MINDY4: variants seen among roughly 807,000 people sequenced by gnomAD.
MINDY4 encodes the protein probable ubiquitin carboxyl-terminal hydrolase MINDY-4.
Under a neutral mutation model 87.0 loss-of-function variants are expected in MINDY4, and 68 were observed. The ratio of observed to expected loss-of-function variants is 0.78; its 90% CI spans 0.64 to 0.96. MINDY4 has a LOEUF of 0.96. Among genes scored for constraint, MINDY4 ranks in the 40% least tolerant of loss-of-function variants. The probability of loss-of-function intolerance (pLI) is 0.00; values close to 1 mark genes in which losing one functional copy is unlikely to be tolerated. For synonymous variants in MINDY4, 379 were observed against 363.2 expected, an observed-to-expected ratio of 1.04 and a Z score of -0.50; for missense variants, 919 against 928.2, an observed-to-expected ratio of 0.99 and a Z score of 0.13.
intron 1 of MINDY4, among the ~76,000 whole-genome samples, chr7:30,776,083 T>C (rs1406325814): frequency 1.3e-5 from 2 of 152,236 alleles, no homozygotes; most frequent in African/African-American, 4.8e-5. Context: ...ATGTGATTTG[T>C]GAATTGTTCA....
In MINDY4 at chr7:30,859,263, G is replaced by A. The variant is rs993168234; in HGVS notation, c.1684G>A (p.Val562Met). ...FLQQSIHQFE[V>M]GPYGCILLTL... Reference sequence around the variant, plus strand: ...TTTTCTCTCCCCCTCCCAGTTTGAAGTGGGCCCCTATGGCTGCATCCTGCT... The same window carrying A: ...TTTTCTCTCCCCCTCCCAGTTTGAAATGGGCCCCTATGGCTGCATCCTGCT... The change falls in exon 13 of 18, where the codon GTG becomes ATG. Residue 562 changes from valine to methionine, a missense_variant. Physicochemically the swap from Val to Met is conservative, Grantham distance 21. Coordinates refer to ENST00000265299, the MANE Select transcript of MINDY4 (RefSeq NM_032222.3). 4 of 1,614,044 alleles carry A rather than the reference G, an allele frequency of 2.5e-6. No individual in the cohort carries two copies. The highest frequency in any genetic ancestry group is 2.7e-5 in the African/African-American group (2 of 74,912).
intron 13 of MINDY4, 64 bp downstream of exon 13, chr7:30,859,388 G>A (rs149246791): frequency 9.6e-6 from 14 of 1,465,676 alleles, no homozygotes; most frequent in Middle Eastern, 2.1e-4. Flanking sequence ...CTGCTGCCTC[G>A]CTAGAGCCCA....
In MINDY4 at chr7:30,802,182, C is replaced by G. The variant is rs141241436; in HGVS notation, c.1073+10608C>G. Among the ~76,000 whole-genome samples, 238 of 151,996 alleles carry G rather than the reference C, an allele frequency of 1.6e-3. 2 individuals carry two copies. The highest frequency in any genetic ancestry group is 5.5e-3 in the African/African-American group (227 of 41,450). ...TTAGCTATGTTCCAGCAGTTCCTGG[C>G]TACCAGAATCCCATATAAAGGCCCA... On this transcript the variant is annotated intron_variant, in intron 5 of 17. Coordinates refer to ENST00000265299, the MANE Select transcript of MINDY4 (RefSeq NM_032222.3).
At chr7:30,872,982 A>G (rs192160377) in intron 14 of MINDY4, among the ~76,000 whole-genome samples, 3 of 152,306 alleles carry the variant, frequency 2.0e-5, no homozygotes, top group African/African-American at 4.8e-5. Flanking sequence ...CTCTCAGCAC[A>G]TGGGGGGCCA....
chr7:30,891,359 C>T (rs543544105), intron 17 of MINDY4, among the ~76,000 whole-genome samples: 2 of 152,316 alleles, frequency 1.3e-5, no homozygotes, highest in African/African-American at 4.8e-5. Flanking sequence ...ATTCAGTTGT[C>T]TCTAACCCTG....
At chr7:30,844,991 A>G (rs1329240710) in intron 9 of MINDY4, among the ~76,000 whole-genome samples, 1 of 152,136 alleles carries the variant, frequency 6.6e-6, no homozygotes, top group Non-Finnish European at 1.5e-5. Flanking sequence ...AGGCCCAGAG[A>G]GGGAAAGATG....
chr7:30,773,182 A>G (rs995053634), intron 1 of MINDY4, among the ~76,000 whole-genome samples: 1 of 152,242 alleles, frequency 6.6e-6, no homozygotes, highest in Non-Finnish European at 1.5e-5. Flanking sequence ...TGCTCCCCAC[A>G]GGGTTTTGCA....
chr7:30,795,157 A>G (rs1179861706), intron 5 of MINDY4, among the ~76,000 whole-genome samples: 1 of 152,002 alleles, frequency 6.6e-6, no homozygotes, highest in Non-Finnish European at 1.5e-5. Context: ...GAGTTTCTGG[A>G]CCTGCAGATG....
chr7:30,873,087 A>G (rs1790155583), intron 14 of MINDY4, among the ~76,000 whole-genome samples: 1 of 152,196 alleles, frequency 6.6e-6, no homozygotes, highest in Non-Finnish European at 1.5e-5. Context: ...ACTTGCGCCC[A>G]GCTCTGGAAA....
rs577929118 is a variant in MINDY4, at chr7:30,772,865, C to T, written c.63+1309C>T. ...AAAAAACTCTTAGAGAGGGCTTCCT[C>T]GTGTTCTTTCTTGAGTACAAATGAA... On this transcript the variant is annotated intron_variant, in intron 1 of 17. Transcript: ENST00000265299. Among the ~76,000 whole-genome samples the T allele has an allele frequency of 5.3e-5, 8 of 152,198 alleles. No individual in the cohort carries two copies. The South Asian group carries it at 6.2e-4, about 12-fold the overall frequency.
chr7:30,839,210 C>A lies in MINDY4; in HGVS notation c.1250C>A (p.Thr417Asn), dbSNP rs1321249918. 3 of 1,600,960 alleles carry A rather than the reference C, an allele frequency of 1.9e-6. No homozygotes were observed. The South Asian group carries it at 3.4e-5, about 18-fold the overall frequency. Residue 417 changes from threonine to asparagine, a missense_variant, in exon 8 of 18, where the codon ACC becomes AAC. Coordinates refer to ENST00000265299, the MANE Select transcript of MINDY4 (RefSeq NM_032222.3). ...IDLSVAKEIK[T>N]LLFGSSFCCF... ...CTCTTCTTTTTATAGGAAATAAAGA[C>A]CCTTCTGTTTGGTTCCAGCTTTTGC...
intron 5 of MINDY4, among the ~76,000 whole-genome samples, chr7:30,792,642 T>G (rs1787360090): frequency 6.6e-6 from 1 of 152,210 alleles, no homozygotes; most frequent in Non-Finnish European, 1.5e-5. Context: ...TTTATTGGTA[T>G]AAAATTGTAT....
chr7:30,795,699 C>T (rs1021509926), intron 5 of MINDY4, among the ~76,000 whole-genome samples: 9 of 152,196 alleles, frequency 5.9e-5, no homozygotes. Flanking sequence ...TCTCACTGGT[C>T]TGCAATCCAG....
intron 1 of MINDY4, among the ~76,000 whole-genome samples, chr7:30,775,308 TTAA>T (rs1422495987): frequency 6.6e-6 from 1 of 152,152 alleles, no homozygotes; most frequent in Admixed American, 6.5e-5. Context: ...CTCCACAGTT[TTAA>T]TAATGTGCTA....
intron 5 of MINDY4, among the ~76,000 whole-genome samples, chr7:30,812,641 C>G (rs749476798): frequency 6.6e-6 from 1 of 152,178 alleles, no homozygotes; most frequent in Non-Finnish European, 1.5e-5. Context: ...CTCTTGCACT[C>G]CAAGGAATCA....
At chr7:30,816,005 C>G (rs1378016430) in intron 5 of MINDY4, among the ~76,000 whole-genome samples, 1 of 152,066 alleles carries the variant, frequency 6.6e-6, no homozygotes. Flanking sequence ...TGCCTACTTA[C>G]CAGGGGCCTT....
chr7:30,830,570 G>A (rs1359618761), intron 6 of MINDY4, among the ~76,000 whole-genome samples: 3 of 152,174 alleles, frequency 2.0e-5, no homozygotes, highest in Non-Finnish European at 4.4e-5. Flanking sequence ...CCCAGCAAAA[G>A]GGGGAAAAGT....
Position 30,872,300 on chromosome 7 carries a change from T to A in MINDY4, c.1803T>A (p.Cys601Ter). ...TSHLIGAHGY[C>*]TQELVNLLLT... ...ACCTGATTGGAGCACATGGCTACTG[T>A]ACACAGGTCAGGGGGCGCTGTGGGG... Residue 601 changes from cysteine (C) to a stop codon, truncating the protein, a stop_gained, in exon 14 of 18, where the codon TGT (cysteine) becomes TGA (stop). Transcript: ENST00000265299. LOFTEE classifies it high-confidence loss of function. The A allele has an allele frequency of 6.2e-7, 1 of 1,614,084 alleles. No homozygotes were observed. Among genetic ancestry groups the A allele is most frequent in the Non-Finnish European group, 8.5e-7 (1 of 1,179,982 alleles).
chr7:30,837,068 GAAATGGTCCAGTTGTCCCC>G (rs1377425532), intron 7 of MINDY4, among the ~76,000 whole-genome samples: 1 of 152,168 alleles, frequency 6.6e-6, no homozygotes, highest in Non-Finnish European at 1.5e-5. Flanking sequence ...GGGTGTGATG[GAAATGGTCCAGTTGTCCCC>G]ATTAGAGCAG....
Sources: gnomAD v4.1 joint callset for allele counts (sites outside exome capture counted in the v4.1 genomes callset) on GRCh38, gnomAD v4.1.1 for gene constraint, MANE v1.5 for transcripts, NCBI Gene and HGNC (gene_info 2026-07-23, HGNC 2026-07-21) for gene names.